The following LHFPL2 variants were observed in gnomAD, a reference collection of about 807,000 sequenced individuals.
The protein encoded by LHFPL2 is LHFPL tetraspan subfamily member 2 protein.
In LHFPL2, 7 loss-of-function variants were observed where a neutral mutation model predicts 17.5. That is an observed-to-expected ratio of 0.40 (90% CI 0.23 to 0.75). The LOEUF is 0.75. LHFPL2 is among the 30% of genes least tolerant of loss of function. The pLI is 0.37. For synonymous variants in LHFPL2, 134 were observed against 116.2 expected, an observed-to-expected ratio of 1.15 and a Z score of -0.99; for missense variants, 241 against 294.8, an observed-to-expected ratio of 0.82 and a Z score of 1.34.
At chr5:78,518,878 G>A (rs1300676567) in intron 3 of LHFPL2, among the ~76,000 whole-genome samples, 1 of 152,214 alleles carries the variant, frequency 6.6e-6, no homozygotes, top group Non-Finnish European at 1.5e-5. Flanking sequence ...CAGAGATAAA[G>A]TTCAGCTGGA....
intron 3 of LHFPL2, among the ~76,000 whole-genome samples, chr5:78,553,189 C>A (rs979601453): frequency 3.9e-5 from 6 of 152,248 alleles, no homozygotes; most frequent in Admixed American, 2.6e-4. Context: ...CCAAACCACT[C>A]ACTACTTCCT....
At chr5:78,646,306 G>C (rs77412434) in intron 1 of LHFPL2, among the ~76,000 whole-genome samples, 2,524 of 152,302 alleles carry the variant, frequency 0.017, 64 homozygotes, top group African/African-American at 0.057. Context: ...CAGAGCCACT[G>C]ACTCTAAAAC....
intron 2 of LHFPL2, among the ~76,000 whole-genome samples, chr5:78,588,124 CAG>C (rs554742411): frequency 9.0e-4 from 137 of 152,350 alleles, no homozygotes; most frequent in African/African-American, 3.1e-3. Context: ...AACAGCCTGA[CAG>C]AGACCTTAAG....
At chr5:78,509,041 G>A (rs1285070331) in intron 4 of LHFPL2, among the ~76,000 whole-genome samples, 2 of 152,164 alleles carry the variant, frequency 1.3e-5, no homozygotes, top group Non-Finnish European at 2.9e-5. Flanking sequence ...TGGTAGCAGT[G>A]GATGCTTTCC....
At chr5:78,550,148 G>A (rs1423927655) in intron 3 of LHFPL2, among the ~76,000 whole-genome samples, 1 of 152,192 alleles carries the variant, frequency 6.6e-6, no homozygotes, top group Non-Finnish European at 1.5e-5. Context: ...TGGACCACTA[G>A]CAAACCACGC....
In LHFPL2 at chr5:78,510,095, C is replaced by T. The variant is rs1197774635; in HGVS notation, c.119G>A (p.Ser40Asn). ...SADWLIGKAR[S>N]RGGVEPAGPG... ...GCCCGCCGGCTCCACGCCGCCGCGGCTCCTCGCTTTCCCGATCAGCCAGTC... is the reference window on the plus strand; with the variant it reads ...GCCCGCCGGCTCCACGCCGCCGCGGTTCCTCGCTTTCCCGATCAGCCAGTC... The change falls in exon 4 of 5, where the codon AGC becomes AAC. Residue 40 changes from serine to asparagine, a missense_variant. By Grantham distance (46) the Ser-to-Asn change is conservative. Transcript: ENST00000380345. 6 of 1,612,922 alleles carry T rather than the reference C, an allele frequency of 3.7e-6. No homozygotes were observed. Among genetic ancestry groups the T allele is most frequent in the South Asian group, 3.3e-5 (3 of 91,038 alleles).
intron 2 of LHFPL2, among the ~76,000 whole-genome samples, chr5:78,611,575 G>C (rs1443356960): frequency 6.6e-6 from 1 of 152,214 alleles, no homozygotes; most frequent in East Asian, 1.9e-4. Flanking sequence ...AAAGGCTTCA[G>C]GGCTGGGGCA....
intron 2 of LHFPL2, among the ~76,000 whole-genome samples, chr5:78,630,994 C>A (rs979184599): frequency 6.6e-6 from 1 of 152,156 alleles, no homozygotes; most frequent in East Asian, 1.9e-4. Flanking sequence ...TCCCAACCCA[C>A]GGGATAATGC....
chr5:78,566,712 C>A (rs1756869018), intron 2 of LHFPL2, among the ~76,000 whole-genome samples: 1 of 152,238 alleles, frequency 6.6e-6, no homozygotes, highest in Non-Finnish European at 1.5e-5. Context: ...CCCGCCCCGG[C>A]CTCCCAAAGT....
intron 2 of LHFPL2, among the ~76,000 whole-genome samples, chr5:78,628,113 C>T (rs1434616644): frequency 1.3e-5 from 2 of 152,100 alleles, no homozygotes; most frequent in African/African-American, 2.4e-5. Context: ...CACTGGATAT[C>T]GAGCTCTCGT....
chr5:78,486,081 AATATAC>A lies in LHFPL2; in HGVS notation c.*2810_*2815del, dbSNP rs774406706. The A allele has an allele frequency of 3.9e-5, 6 of 152,562 alleles. No homozygotes were observed. The highest frequency in any genetic ancestry group is 1.2e-4 in the African/African-American group (5 of 41,368). The allele number at this position is 152,562 out of a possible 1,614,324, so 9.5% of individuals were successfully genotyped here. A position where few individuals can be genotyped will look rare whatever the true frequency, so the allele number is the denominator to read the frequency against. On this transcript the variant is annotated 3_prime_UTR_variant, in exon 5 of 5. Coordinates refer to ENST00000380345, the MANE Select transcript of LHFPL2 (RefSeq NM_005779.3). ...CTTTCACACAAACTTGTGTATGTATAATATACATATATATTTTTAAATATGCTACAC... is the reference window on the plus strand; with the variant it reads ...CTTTCACACAAACTTGTGTATGTATAATATATATTTTTAAATATGCTACAC...
intron 3 of LHFPL2, among the ~76,000 whole-genome samples, chr5:78,535,194 A>ATTTGCC (rs1164849439): frequency 3.3e-5 from 5 of 152,184 alleles, no homozygotes; most frequent in Non-Finnish European, 7.3e-5. Context: ...TGGTGTCGCC[A>ATTTGCC]GAGCAGGCCA....
chr5:78,555,811 A>T (rs1288180150), intron 3 of LHFPL2, among the ~76,000 whole-genome samples: 1 of 152,254 alleles, frequency 6.6e-6, no homozygotes, highest in Non-Finnish European at 1.5e-5. Flanking sequence ...AAGGGGACCA[A>T]AGATGACCCA....
rs1018330025 is a variant in LHFPL2 at position 78,557,851 on chromosome 5, TGTG to T, written c.-186+6959_-186+6961del. Among the ~76,000 whole-genome samples the T allele has an allele frequency of 5.9e-5, 9 of 152,346 alleles. No individual in the cohort carries two copies. In the South Asian group the frequency reaches 1.7e-3, roughly 28 times the overall value. On this transcript the variant is annotated intron_variant, in intron 3 of 4. Coordinates refer to ENST00000380345, the MANE Select transcript of LHFPL2 (RefSeq NM_005779.3). Reference sequence around the variant, plus strand: ...TGTAACATGTGCCAAGTGGCTGGCCTGTGGCTCTGGGGATGCCAGTGCGAGGGG... The same window carrying T: ...TGTAACATGTGCCAAGTGGCTGGCCTGCTCTGGGGATGCCAGTGCGAGGGG...
intron 3 of LHFPL2, among the ~76,000 whole-genome samples, chr5:78,547,513 A>T (rs1031498480): frequency 1.3e-5 from 2 of 152,362 alleles, no homozygotes; most frequent in Middle Eastern, 3.4e-3. Flanking sequence ...GAGCAGTGGC[A>T]TGGAAACCAA....
intron 1 of LHFPL2, among the ~76,000 whole-genome samples, chr5:78,636,298 A>T (rs1349449829): frequency 6.6e-6 from 1 of 152,236 alleles, no homozygotes; most frequent in Admixed American, 6.5e-5. Context: ...CACGTCTAAT[A>T]AGAGGCTTAA....
At chr5:78,625,881 A>C (rs1327837775) in intron 2 of LHFPL2, 1 of 152,244 alleles carries the variant, frequency 6.6e-6, no homozygotes. Flanking sequence ...AAGCTCTGTG[A>C]AGTCTCTCCC....
chr5:78,504,982 C>T (rs192859255), intron 4 of LHFPL2, among the ~76,000 whole-genome samples: 2 of 152,296 alleles, frequency 1.3e-5, no homozygotes, highest in East Asian at 1.9e-4. Context: ...GGCAGCTGGC[C>T]GGTGGCTCAT....
chr5:78,527,363 G>GTTTTT lies in LHFPL2; in HGVS notation c.-185-16970_-185-16966dup, dbSNP rs35135294. 1.0e-4 allele frequency among the ~76,000 whole-genome samples: 11 copies of GTTTTT among 108,094 alleles called. 2 individuals carry two copies. Among genetic ancestry groups the GTTTTT allele is most frequent in the Admixed American group, 2.0e-4 (2 of 9,758 alleles). 70.9% of individuals were successfully genotyped at this position (108,094 alleles called of 152,430 possible). A position where few individuals can be genotyped will look rare whatever the true frequency, so the allele number is the denominator to read the frequency against. The stretch of plus-strand genomic sequence containing the variant: ...GGAAAGCTCTTAATGCTGATGAGGA[G>GTTTTT]TTTTTTTTTTTTTTTTTTTTTTTCC... On this transcript the variant is annotated intron_variant, in intron 3 of 4. Coordinates refer to ENST00000380345, the MANE Select transcript of LHFPL2 (RefSeq NM_005779.3).
Sources: gnomAD v4.1 joint callset for allele counts (sites outside exome capture counted in the v4.1 genomes callset) on GRCh38, gnomAD v4.1.1 for gene constraint, MANE v1.5 for transcripts, NCBI Gene and HGNC (gene_info 2026-07-23, HGNC 2026-07-21) for gene names.